The following PLEKHH2 variants were observed in gnomAD, a reference collection of about 807,000 sequenced individuals.
PLEKHH2 encodes the protein pleckstrin homology, MyTH4 and FERM domain containing H2, also known as pleckstrin homology domain-containing family H member 2.
In PLEKHH2, 129 loss-of-function variants were observed where a neutral mutation model predicts 187.9. The ratio of observed to expected loss-of-function variants is 0.69; its 90% CI spans 0.59 to 0.79. The LOEUF is 0.79. PLEKHH2 is among the 30% of genes least tolerant of loss of function. The pLI is 0.00. For missense variants in PLEKHH2, 2,076 were observed against 1,751.2 expected (o/e 1.19, Z -3.31); for synonymous variants, 686 against 605.6 (o/e 1.13, Z -1.95).
rs555359352 is a variant in PLEKHH2 at position 43,641,588 on chromosome 2, G to A, written c.-3-3083G>A. On this transcript the variant is annotated intron_variant, in intron 1 of 29. Coordinates refer to ENST00000282406, the MANE Select transcript of PLEKHH2 (RefSeq NM_172069.4). ...AATTCTTCTTCTAACGTGGCCCAAG[G>A]AAGTCAAAAGATTGGACACCCCTGG... Among the ~76,000 whole-genome samples the A allele has an allele frequency of 1.7e-4, 26 of 152,258 alleles. No homozygotes were observed. In the South Asian group the frequency reaches 5.4e-3, roughly 32 times the overall value.
intron 2 of PLEKHH2, among the ~76,000 whole-genome samples, chr2:43,668,457 T>C (rs1431660423): frequency 6.6e-6 from 1 of 152,260 alleles, no homozygotes; most frequent in African/African-American, 2.4e-5. Flanking sequence ...CCCTAGTCTC[T>C]GTATTCATAA....
intron 24 of PLEKHH2, among the ~76,000 whole-genome samples, chr2:43,748,016 T>C (rs1671848392): frequency 6.6e-6 from 1 of 152,220 alleles, no homozygotes; most frequent in Admixed American, 6.5e-5. Context: ...GTTAAAAACT[T>C]GGGACAGACA....
At chr2:43,750,290 G>A (rs1177589056) in intron 24 of PLEKHH2, among the ~76,000 whole-genome samples, 1 of 152,184 alleles carries the variant, frequency 6.6e-6, no homozygotes, top group African/African-American at 2.4e-5. Flanking sequence ...TGGCCAACAT[G>A]GTGAAACCCC....
intron 14 of PLEKHH2, chr2:43,711,667 G>A (rs1205670339): frequency 1.3e-4 from 91 of 711,870 alleles, no homozygotes; most frequent in Non-Finnish European, 1.5e-4. Context: ...TGAGGCAGGC[G>A]GATCATGAGG....
intron 16 of PLEKHH2, 78 bp downstream of exon 16, chr2:43,720,827 TCTTA>T: frequency 6.6e-7 from 1 of 1,506,670 alleles, no homozygotes; most frequent in Non-Finnish European, 8.8e-7. Flanking sequence ...TTCTCTCTTC[TCTTA>T]CTTTGTAAAA....
At chr2:43,698,253 T>C (rs867192347) in intron 7 of PLEKHH2, among the ~76,000 whole-genome samples, 9 of 147,598 alleles carry the variant, frequency 6.1e-5, no homozygotes, top group East Asian at 2.0e-4. Context: ...CTCTCTCTCT[T>C]TTTTTTTTTT....
intron 15 of PLEKHH2, 38 bp from the exon 16 acceptor site, chr2:43,720,631 C>A: frequency 6.2e-7 from 1 of 1,602,094 alleles, no homozygotes; most frequent in South Asian, 1.1e-5. Flanking sequence ...TGTCAGAGTT[C>A]TGGGCTAAAC....
intron 15 of PLEKHH2, among the ~76,000 whole-genome samples, chr2:43,716,215 G>C (rs1670201987): frequency 6.6e-6 from 1 of 152,170 alleles, no homozygotes; most frequent in Non-Finnish European, 1.5e-5. Flanking sequence ...GCCCCTGGAA[G>C]AAGGGAGGAG....
chr2:43,743,875 G>T lies in PLEKHH2; in HGVS notation c.3441G>T (p.Leu1147Phe), dbSNP rs370046185. ...FDASTTVEEF[L>F]NTLNQDTGMR... is the part of the protein sequence containing the mutation. ...CATCTACCACAGTGGAAGAATTTTTGAATACTTTGAACCAGGACACAGGAA... is the reference window on the plus strand; with the variant it reads ...CATCTACCACAGTGGAAGAATTTTTTAATACTTTGAACCAGGACACAGGAA... The change falls in exon 23 of 30, where the codon TTG becomes TTT. Residue 1147 changes from leucine to phenylalanine, a missense_variant. By Grantham distance (22) the Leu-to-Phe change is conservative. Coordinates refer to ENST00000282406, the MANE Select transcript of PLEKHH2 (RefSeq NM_172069.4). 1.9e-6 allele frequency: 3 copies of T among 1,613,986 alleles called. No homozygotes were observed. Among genetic ancestry groups the T allele is most frequent in the African/African-American group, 1.3e-5 (1 of 75,012 alleles).
chr2:43,751,920 C>T (rs946067411), intron 24 of PLEKHH2, among the ~76,000 whole-genome samples: 2 of 146,646 alleles, frequency 1.4e-5, no homozygotes, highest in African/African-American at 5.5e-5. Context: ...GTTTCTCTCT[C>T]TCTCTCTTTT....
intron 23 of PLEKHH2, among the ~76,000 whole-genome samples, chr2:43,744,722 G>C (rs1047107044): frequency 3.3e-5 from 5 of 151,698 alleles, no homozygotes; most frequent in African/African-American, 1.2e-4. Flanking sequence ...ACAAAAATTA[G>C]CCAGGCATGG....
chr2:43,644,986 T>G (rs1666118011), intron 2 of PLEKHH2, among the ~76,000 whole-genome samples, 190 bp downstream of exon 2: 2 of 152,164 alleles, frequency 1.3e-5, no homozygotes, highest in Non-Finnish European at 2.9e-5. Context: ...TATTTGCAAA[T>G]GCTAGTGGCA....
intron 3 of PLEKHH2, among the ~76,000 whole-genome samples, chr2:43,688,632 G>T (rs984882322): frequency 9.2e-5 from 14 of 152,184 alleles, no homozygotes; most frequent in Non-Finnish European, 1.9e-4. Context: ...CTTGGGTTCA[G>T]TGATTTGCTA....
intron 21 of PLEKHH2, 83 bp from the exon 22 acceptor site, chr2:43,742,658 C>A: frequency 9.4e-7 from 1 of 1,061,408 alleles, no homozygotes; most frequent in Non-Finnish European, 1.3e-6. Context: ...TGATAATGTA[C>A]ACGGATGCTT....
rs543845119 is a variant in PLEKHH2 at position 43,704,524 on chromosome 2, G to A, written c.1726+468G>A. Reference sequence around the variant, plus strand: ...AAAATACAAAAAAAATTAGCCGGGCGTGGTGGCGGGCGCCCATAGCCCCAG... The same window carrying A: ...AAAATACAAAAAAAATTAGCCGGGCATGGTGGCGGGCGCCCATAGCCCCAG... On this transcript the variant is annotated intron_variant, in intron 9 of 29. Coordinates refer to ENST00000282406, the MANE Select transcript of PLEKHH2 (RefSeq NM_172069.4). Among the ~76,000 whole-genome samples, 176 of 152,004 alleles carry A rather than the reference G, an allele frequency of 1.2e-3. 1 individual carries two copies. The highest frequency in any genetic ancestry group is 3.8e-3 in the African/African-American group (159 of 41,486).
intron 14 of PLEKHH2, chr2:43,711,576 T>C: frequency 6.1e-6 from 6 of 977,120 alleles, no homozygotes; most frequent in Non-Finnish European, 7.3e-6. Flanking sequence ...TAGTCTTTAA[T>C]CATTCTGCTC....
rs980951526 is a variant in PLEKHH2 at position 43,767,477 on chromosome 2, C to T, written c.*1879C>T. ...TCCCCTACATCTTTTGAGCCACAGT[C>T]GCCCATCGAATAAGCAAATTTGTTT... On this transcript the variant is annotated 3_prime_UTR_variant, in exon 30 of 30. Coordinates refer to ENST00000282406, the MANE Select transcript of PLEKHH2 (RefSeq NM_172069.4). 6 of 152,316 alleles carry T rather than the reference C, an allele frequency of 3.9e-5. No individual in the cohort carries two copies. The highest frequency in any genetic ancestry group is 7.2e-5 in the African/African-American group (3 of 41,452). The allele number at this position is 152,316 out of a possible 1,614,324, so 9.4% of individuals were successfully genotyped here.
chr2:43,680,668 C>A, intron 3 of PLEKHH2: 1 of 368,018 alleles, frequency 2.7e-6, no homozygotes, highest in Admixed American at 3.7e-5. Context: ...AGTGGTTTGG[C>A]TTTCTGGCTG....
At chr2:43,720,824 TTC>T (rs1670445155) in intron 16 of PLEKHH2, 75 bp downstream of exon 16, 1 of 1,509,500 alleles carries the variant, frequency 6.6e-7, no homozygotes, top group African/African-American at 1.4e-5. Flanking sequence ...CTTTTCTCTC[TTC>T]TCTTACTTTG....
Sources: gnomAD v4.1 joint callset for allele counts (sites outside exome capture counted in the v4.1 genomes callset) on GRCh38, gnomAD v4.1.1 for gene constraint, MANE v1.5 for transcripts, NCBI Gene and HGNC (gene_info 2026-07-23, HGNC 2026-07-21) for gene names.